Variants in SCN9A observed in about 807,000 individuals in gnomAD.
The protein encoded by SCN9A is sodium channel protein type 9 subunit alpha.
Under a neutral mutation model 187.0 loss-of-function variants are expected in SCN9A, and 131 were observed. That is an observed-to-expected ratio of 0.70 (90% CI 0.61 to 0.81). The LOEUF is 0.81. SCN9A is among the 30% of genes least tolerant of loss of function. SCN9A has a pLI of 0.00. For synonymous variants in SCN9A, 809 were observed against 808.6 expected, an observed-to-expected ratio of 1.00 and a Z score of -0.01; for missense variants, 2,252 against 2,396.6, an observed-to-expected ratio of 0.94 and a Z score of 1.26.
intron 18 of SCN9A, among the ~76,000 whole-genome samples, chr2:166,248,921 G>A (rs771937236): frequency 4.6e-5 from 7 of 151,674 alleles, no homozygotes; most frequent in Non-Finnish European, 8.8e-5. Context: ...CGCCCACCTC[G>A]GCCTCCCAAA....
At chr2:166,374,296 C>T (rs1700633977) in intron 1 of SCN9A, among the ~76,000 whole-genome samples, 1 of 152,178 alleles carries the variant, frequency 6.6e-6, no homozygotes, top group Non-Finnish European at 1.5e-5. Flanking sequence ...CCTTTTAAAC[C>T]TCTACAAAAT....
intron 24 of SCN9A, among the ~76,000 whole-genome samples, chr2:166,223,150 T>G (rs1694697209): frequency 6.6e-6 from 1 of 151,960 alleles, no homozygotes; most frequent in Non-Finnish European, 1.5e-5. Context: ...GAAAACAGTA[T>G]GAAAGTTCCT....
chr2:166,241,265 T>C (rs1695554406), intron 19 of SCN9A, among the ~76,000 whole-genome samples: 1 of 152,116 alleles, frequency 6.6e-6, no homozygotes, highest in South Asian at 2.1e-4. Context: ...TAATGGCTTC[T>C]AATGGCTCAT....
At chr2:166,374,303 A>G (rs1700634183) in intron 1 of SCN9A, among the ~76,000 whole-genome samples, 1 of 152,196 alleles carries the variant, frequency 6.6e-6, no homozygotes, top group Admixed American at 6.5e-5. Flanking sequence ...AACCTCTACA[A>G]AATTTTAAAA....
intron 20 of SCN9A, among the ~76,000 whole-genome samples, chr2:166,234,300 G>T (rs901526033): frequency 5.3e-5 from 8 of 152,142 alleles, no homozygotes; most frequent in Non-Finnish European, 1.0e-4. Context: ...TTAGTTCCAT[G>T]GAAAATATTC....
At chr2:166,217,116 C>T (rs12612267) in intron 24 of SCN9A, among the ~76,000 whole-genome samples, 24,223 of 151,928 alleles carry the variant, frequency 0.16, 2,385 homozygotes, top group East Asian at 0.34. Flanking sequence ...GGGGAAAGGA[C>T]GATCTCTTCA....
intron 24 of SCN9A, chr2:166,204,974 A>C (rs1693727609): frequency 2.6e-5 from 4 of 152,284 alleles, no homozygotes; most frequent in Non-Finnish European, 5.9e-5. Context: ...GACCTCTTCA[A>C]GGAGAACTAC....
chr2:166,262,726 C>T (rs1446832825), intron 17 of SCN9A, among the ~76,000 whole-genome samples: 2 of 151,956 alleles, frequency 1.3e-5, no homozygotes, highest in Non-Finnish European at 2.9e-5. Flanking sequence ...TTTAGAATCG[C>T]AGTCATCTGC....
intron 21 of SCN9A, among the ~76,000 whole-genome samples, chr2:166,231,939 A>G (rs761501833): frequency 6.6e-6 from 1 of 152,174 alleles, no homozygotes; most frequent in African/African-American, 2.4e-5. Flanking sequence ...AATAAGTAAA[A>G]TACAATATAA....
chr2:166,334,552 G>T (rs1699582511), intron 1 of SCN9A, among the ~76,000 whole-genome samples: 1 of 152,032 alleles, frequency 6.6e-6, no homozygotes, highest in African/African-American at 2.4e-5. Flanking sequence ...TGTTTCTGAA[G>T]ACTCATCTGG....
intron 5 of SCN9A, among the ~76,000 whole-genome samples, chr2:166,304,851 C>T (rs1484578768): frequency 2.0e-5 from 3 of 151,902 alleles, no homozygotes; most frequent in South Asian, 2.1e-4. Flanking sequence ...GGTGATGTTG[C>T]GCAAGTTTGT....
chr2:166,313,097 T>C (rs1699018350), intron 1 of SCN9A, among the ~76,000 whole-genome samples: 1 of 148,904 alleles, frequency 6.7e-6, no homozygotes, highest in Non-Finnish European at 1.5e-5. Context: ...ATAATTATTA[T>C]GTAATTTTCT....
At chr2:166,317,817 A>G (rs1574920070) in intron 1 of SCN9A, among the ~76,000 whole-genome samples, 1 of 152,170 alleles carries the variant, frequency 6.6e-6, no homozygotes, top group East Asian at 1.9e-4. Flanking sequence ...AAAGATGTAC[A>G]GTGGCGAAAT....
rs531379120 is a variant in SCN9A, at chr2:166,352,134, A to C, written c.-51+23563T>G. Among the ~76,000 whole-genome samples the C allele has an allele frequency of 1.7e-3, 265 of 152,276 alleles. 1 individual carries two copies. Among genetic ancestry groups the C allele is most frequent in the Middle Eastern group, 0.017 (5 of 294 alleles). On this transcript the variant is annotated intron_variant, in intron 1 of 26. Transcript: ENST00000642356. ...GGAGAAAAAACTATAAAGTTGGTAT[A>C]TTGGTAAGTGTGCCTATTATAATGT...
intron 2 of SCN9A, 136 bp downstream of exon 2, chr2:166,311,363 T>A (rs1559034456): frequency 3.6e-5 from 4 of 111,982 alleles, no homozygotes; most frequent in African/African-American, 3.5e-5. Flanking sequence ...TATATATATA[T>A]ATATATATAT....
At chr2:166,282,187 GA>G (rs1436670290) in intron 12 of SCN9A, among the ~76,000 whole-genome samples, 1 of 152,182 alleles carries the variant, frequency 6.6e-6, no homozygotes, top group East Asian at 1.9e-4. Flanking sequence ...TGAAAACAGT[GA>G]AAGTGCTGTA....
At chr2:166,276,908 T>TA in intron 16 of SCN9A, 75 bp downstream of exon 16, 1 of 1,103,106 alleles carries the variant, frequency 9.1e-7, no homozygotes, top group Non-Finnish European at 1.2e-6. Flanking sequence ...TATAAAATTA[T>TA]AAAAATAATA....
chr2:166,283,324 C>G (rs1356708110), intron 12 of SCN9A, among the ~76,000 whole-genome samples: 2 of 152,090 alleles, frequency 1.3e-5, no homozygotes, highest in African/African-American at 4.8e-5. Flanking sequence ...TACCTAAAAG[C>G]ACATGCATTT....
At chr2:166,225,387 C>A (rs1435791560) in intron 24 of SCN9A, among the ~76,000 whole-genome samples, 1 of 151,972 alleles carries the variant, frequency 6.6e-6, no homozygotes, top group African/African-American at 2.4e-5. Context: ...GTTAATTTTT[C>A]TTATTGTATT....
Sources: gnomAD v4.1 joint callset for allele counts (sites outside exome capture counted in the v4.1 genomes callset) on GRCh38, gnomAD v4.1.1 for gene constraint, MANE v1.5 for transcripts, NCBI Gene and HGNC (gene_info 2026-07-23, HGNC 2026-07-21) for gene names.